The following VTI1A variants were observed in gnomAD, a reference collection of about 807,000 sequenced individuals.
VTI1A encodes vesicle transport through interaction with t-SNAREs 1A, also known as vesicle transport through interaction with t-SNAREs homolog 1A.
VTI1A carries 22 observed loss-of-function variants against 34.9 expected under a neutral mutation model. That is an observed-to-expected ratio of 0.63 (90% CI 0.45 to 0.90). The LOEUF (loss-of-function observed/expected upper bound fraction) is 0.90, where lower values mean the gene tolerates loss of function less well. Ranked by LOEUF, VTI1A falls within the 40% of genes least tolerant of loss-of-function variation. The probability of loss-of-function intolerance (pLI) is 0.00; values close to 1 mark genes in which losing one functional copy is unlikely to be tolerated. For missense variants in VTI1A, 268 were observed against 275.6 expected (o/e 0.97, Z 0.20); for synonymous variants, 87 against 97.3 (o/e 0.89, Z 0.62).
intron 5 of VTI1A, among the ~76,000 whole-genome samples, chr10:112,640,833 C>G (rs183296054): frequency 1.5e-4 from 23 of 152,122 alleles, no homozygotes; most frequent in African/African-American, 5.1e-4. Flanking sequence ...TGAGGGTAGT[C>G]GAATGCAAAA....
intron 7 of VTI1A, among the ~76,000 whole-genome samples, chr10:112,793,124 T>C (rs1201338605): frequency 6.6e-6 from 1 of 152,210 alleles, no homozygotes; most frequent in Non-Finnish European, 1.5e-5. Context: ...TGTTATTTGA[T>C]ATAAAGTGCT....
At chr10:112,597,918 C>T (rs1340595416) in intron 5 of VTI1A, among the ~76,000 whole-genome samples, 5 of 150,564 alleles carry the variant, frequency 3.3e-5, no homozygotes, top group African/African-American at 7.3e-5. Flanking sequence ...AGGATGGTCT[C>T]GATCTCCTGA....
chr10:112,601,012 G>T lies in VTI1A; in HGVS notation c.427+62682G>T, dbSNP rs79153806. Among the ~76,000 whole-genome samples the T allele has an allele frequency of 1.2e-3, 186 of 152,306 alleles. 1 individual carries two copies. The highest frequency in any genetic ancestry group is 2.2e-3 in the Non-Finnish European group (147 of 68,026). The stretch of plus-strand genomic sequence containing the variant: ...TTCAATCGGTGTTGGACTGACAGGT[G>T]TAAGTTGTAGTAGACTCTGACATCT... On this transcript the variant is annotated intron_variant, in intron 5 of 7. Transcript: ENST00000393077.
Position 112,818,412 on chromosome 10 carries a change from AAG to A in VTI1A, c.*3031_*3032del, listed in dbSNP as rs1050822719. On this transcript the variant is annotated 3_prime_UTR_variant, in exon 8 of 8. Transcript: ENST00000393077. ...AGAAGAAGGGAGGGGAAAAAAAAGA[AAG>A]AAAGGAAAAGCAACTGTCTTTCTCT... The A allele has an allele frequency of 2.2e-5, 5 of 232,474 alleles. No homozygotes were observed. The highest frequency in any genetic ancestry group is 5.6e-5 in the Admixed American group (1 of 17,744). The allele number at this position is 232,474 out of a possible 1,614,324, so 14.4% of individuals were successfully genotyped here. A position where few individuals can be genotyped will look rare whatever the true frequency, so the allele number is the denominator to read the frequency against.
At chr10:112,773,973 C>T (rs1851885473) in intron 7 of VTI1A, among the ~76,000 whole-genome samples, 1 of 152,130 alleles carries the variant, frequency 6.6e-6, no homozygotes, top group Non-Finnish European at 1.5e-5. Context: ...AGGAAGGGCC[C>T]TTAGGAGTCT....
Position 112,817,798 on chromosome 10 carries a change from T to C in VTI1A, c.*2415T>C, listed in dbSNP as rs1853567136. The C allele has an allele frequency of 4.3e-6, 1 of 231,904 alleles. No individual in the cohort carries two copies. Among genetic ancestry groups the C allele is most frequent in the Non-Finnish European group, 8.5e-6 (1 of 117,032 alleles). 14.4% of individuals were successfully genotyped at this position (231,904 alleles called of 1,614,324 possible). On this transcript the variant is annotated 3_prime_UTR_variant, in exon 8 of 8. Coordinates refer to ENST00000393077, the MANE Select transcript of VTI1A (RefSeq NM_145206.4). ...TTCTAGGTACTTAGTGTGTAGACTT[T>C]GACGAATATTTCTCAAGTTGGGAGC...
chr10:112,693,107 A>G (rs928207971), intron 7 of VTI1A, among the ~76,000 whole-genome samples: 22 of 152,230 alleles, frequency 1.4e-4, no homozygotes, highest in African/African-American at 5.1e-4. Context: ...TCAAAACATA[A>G]ATAAGTACCA....
chr10:112,835,395 G>A, the VTI1A span, among the ~76,000 whole-genome samples: 3 of 152,312 alleles, frequency 2.0e-5, no homozygotes, highest in South Asian at 2.1e-4. Flanking sequence ...TATCTGGGGG[G>A]CCTTCGAGGA....
At chr10:112,853,553 T>C in the VTI1A span, among the ~76,000 whole-genome samples, 1 of 152,184 alleles carries the variant, frequency 6.6e-6, no homozygotes, top group Non-Finnish European at 1.5e-5. Context: ...CAAAAGGTAA[T>C]GGACTGTACC....
the VTI1A span, chr10:112,832,060 CT>C: frequency 6.6e-6 from 1 of 152,152 alleles, no homozygotes; most frequent in East Asian, 1.9e-4. Flanking sequence ...AAAAGGATAG[CT>C]CGGCTGGTCT....
intron 3 of VTI1A, among the ~76,000 whole-genome samples, chr10:112,512,387 CA>C (rs1201469988): frequency 2.0e-5 from 3 of 152,046 alleles, no homozygotes; most frequent in African/African-American, 4.8e-5. Context: ...TGCCCACTTT[CA>C]AATGGGGCTA....
chr10:112,470,764 C>T (rs992925425), intron 3 of VTI1A, among the ~76,000 whole-genome samples: 3 of 152,052 alleles, frequency 2.0e-5, no homozygotes, highest in African/African-American at 7.2e-5. Flanking sequence ...TGGTGGCGCA[C>T]ACTTGTAATC....
intron 5 of VTI1A, among the ~76,000 whole-genome samples, chr10:112,539,551 T>G (rs1850782745): frequency 6.6e-6 from 1 of 152,216 alleles, no homozygotes; most frequent in Non-Finnish European, 1.5e-5. Context: ...AGCTTTTGTG[T>G]GTTCTTTTTG....
At chr10:112,579,139 G>T (rs11196002) in intron 5 of VTI1A, among the ~76,000 whole-genome samples, 15,628 of 152,194 alleles carry the variant, frequency 0.1, 2,124 homozygotes, top group African/African-American at 0.31. Flanking sequence ...CAGTACCCTT[G>T]ATGCAGCATC....
chr10:112,718,010 A>T (rs1308046175), intron 7 of VTI1A, among the ~76,000 whole-genome samples: 2 of 152,176 alleles, frequency 1.3e-5, no homozygotes, highest in Admixed American at 1.3e-4. Flanking sequence ...GCCTCAGTGC[A>T]CACACACAAA....
chr10:112,494,344 T>C (rs1589827873), intron 3 of VTI1A, among the ~76,000 whole-genome samples: 1 of 152,252 alleles, frequency 6.6e-6, no homozygotes, highest in Non-Finnish European at 1.5e-5. Context: ...ACTTTTGGTT[T>C]CTTTTATTTT....
intron 7 of VTI1A, among the ~76,000 whole-genome samples, chr10:112,706,602 C>G (rs183553997): frequency 9.8e-5 from 15 of 152,296 alleles, no homozygotes; most frequent in African/African-American, 1.7e-4. Flanking sequence ...CATATTGGTC[C>G]TTGTGAAAGG....
chr10:112,612,672 C>T (rs1427048717), intron 5 of VTI1A, among the ~76,000 whole-genome samples: 1 of 152,204 alleles, frequency 6.6e-6, no homozygotes, highest in Admixed American at 6.5e-5. Flanking sequence ...GATCCTCCTG[C>T]CTCAGCCTCC....
At chr10:112,668,832 T>A in intron 6 of VTI1A, 105 bp from the exon 7 acceptor site, 1 of 1,238,734 alleles carries the variant, frequency 8.1e-7, no homozygotes, top group South Asian at 1.3e-5. Context: ...ATTTGAACAT[T>A]TTTATTGTTT....
Sources: gnomAD v4.1 joint callset for allele counts (sites outside exome capture counted in the v4.1 genomes callset) on GRCh38, gnomAD v4.1.1 for gene constraint, MANE v1.5 for transcripts, NCBI Gene and HGNC (gene_info 2026-07-23, HGNC 2026-07-21) for gene names.